The following HSF2BP variants were observed in gnomAD, a reference collection of about 807,000 sequenced individuals.
HSF2BP encodes heat shock factor 2-binding protein.
A neutral mutation model predicts 35.0 loss-of-function variants in HSF2BP; 35 were observed. The observed-to-expected ratio is 1.00, with a 90% CI of 0.76 to 1.32. The LOEUF (loss-of-function observed/expected upper bound fraction) is 1.32, where lower values mean the gene tolerates loss of function less well. Ranked by LOEUF, HSF2BP falls within the 40% of genes most tolerant of loss-of-function variation. HSF2BP has a pLI of 0.00. For synonymous variants in HSF2BP, 114 were observed against 117.4 expected (o/e 0.97, Z 0.18); for missense variants, 326 against 321.7 (o/e 1.01, Z -0.10).
At chr21:43,612,452 C>T (rs916953845) in intron 7 of HSF2BP, among the ~76,000 whole-genome samples, 4 of 152,040 alleles carry the variant, frequency 2.6e-5, no homozygotes, top group African/African-American at 4.8e-5. Flanking sequence ...GAGATTGAGA[C>T]CATCCTGGCT....
chr21:43,598,366 G>A (rs973175924), intron 7 of HSF2BP, among the ~76,000 whole-genome samples: 14 of 144,944 alleles, frequency 9.7e-5, no homozygotes, highest in African/African-American at 3.7e-4. Context: ...CACCACACCC[G>A]GCTAATTTTT....
In HSF2BP at chr21:43,658,087, C is replaced by T. The variant is rs2082904708; in HGVS notation, c.10G>A (p.Ala4Thr). Residue 4 changes from alanine (A) to threonine (T), a missense_variant, in exon 2 of 9, where the codon GCG becomes ACG. Physicochemically the swap from Ala to Thr is moderately conservative, Grantham distance 58. Coordinates refer to ENST00000291560, the MANE Select transcript of HSF2BP (RefSeq NM_007031.2). MGE[A>T]GAAEEACRHM... ...CGGCAGGCCTCCTCAGCGGCGCCCG[C>T]TTCGCCCATGGCCGCTGCCGCCTCC... 1.3e-6 allele frequency: 2 copies of T among 1,535,016 alleles called. No individual in the cohort carries two copies. The highest frequency in any genetic ancestry group is 8.7e-7 in the Non-Finnish European group (1 of 1,145,792).
chr21:43,638,180 C>A lies in HSF2BP; in HGVS notation c.292-4759G>T, dbSNP rs145254589. Among the ~76,000 whole-genome samples, 66 of 152,196 alleles carry A rather than the reference C, an allele frequency of 4.3e-4. 1 individual carries two copies. Among genetic ancestry groups the A allele is most frequent in the African/African-American group, 1.6e-3 (65 of 41,528 alleles). ...AAAGAGTTCAGAAAGACTACAGGGG[C>A]CGGGTGCGGTGGCTCACACCTGTAA... On this transcript the variant is annotated intron_variant, in intron 4 of 8. Coordinates refer to ENST00000291560, the MANE Select transcript of HSF2BP (RefSeq NM_007031.2).
rs983044346 is a variant in HSF2BP, at chr21:43,595,607, G to A, written c.693-3279C>T. Among the ~76,000 whole-genome samples the A allele has an allele frequency of 2.4e-4, 37 of 151,830 alleles. 1 individual carries two copies. Among genetic ancestry groups the A allele is most frequent in the Non-Finnish European group, 5.9e-5 (4 of 67,986 alleles). ...CAGGAGGTCGAGGCTGCAATGAGCT[G>A]TGACAGTGCTACTACACTCCAGCCT... On this transcript the variant is annotated intron_variant, in intron 7 of 8. Coordinates refer to ENST00000291560, the MANE Select transcript of HSF2BP (RefSeq NM_007031.2).
chr21:43,612,776 G>A (rs554317812), intron 7 of HSF2BP, among the ~76,000 whole-genome samples: 92 of 151,986 alleles, frequency 6.1e-4, no homozygotes, highest in Non-Finnish European at 1.1e-3. Context: ...GGCCAGCCTA[G>A]GCAAGGTCTG....
At chr21:43,611,690 C>G (rs1249158028) in intron 7 of HSF2BP, among the ~76,000 whole-genome samples, 1 of 152,190 alleles carries the variant, frequency 6.6e-6, no homozygotes, top group African/African-American at 2.4e-5. Context: ...GGGACATCCC[C>G]CAGGTAACTC....
chr21:43,644,535 C>T (rs985605646), intron 3 of HSF2BP, 143 bp from the exon 4 acceptor site: 3 of 624,968 alleles, frequency 4.8e-6, no homozygotes. Flanking sequence ...TCTAGCCTGT[C>T]CTTGAATAAC....
chr21:43,657,943 C>T, intron 2 of HSF2BP, 118 bp downstream of exon 2: 1 of 1,507,376 alleles, frequency 6.6e-7, no homozygotes, highest in Non-Finnish European at 8.8e-7. Flanking sequence ...AGGAAGTCTC[C>T]AGGCTTCCCC....
intron 6 of HSF2BP, among the ~76,000 whole-genome samples, chr21:43,614,908 A>G (rs1322639963): frequency 6.6e-6 from 1 of 152,222 alleles, no homozygotes; most frequent in East Asian, 1.9e-4. Flanking sequence ...ATGAAAATGG[A>G]TTTTGAAGAA....
chr21:43,620,450 C>A (rs1391813750), intron 6 of HSF2BP, among the ~76,000 whole-genome samples: 2 of 152,214 alleles, frequency 1.3e-5, no homozygotes, highest in Non-Finnish European at 2.9e-5. Flanking sequence ...GTAATCCCAA[C>A]ACTGTGGAAG....
intron 7 of HSF2BP, among the ~76,000 whole-genome samples, chr21:43,606,567 G>C (rs368093872): frequency 1.1e-4 from 17 of 152,322 alleles, no homozygotes; most frequent in African/African-American, 4.1e-4. Context: ...TGATGACAAT[G>C]TGCAGGGTCT....
At chr21:43,608,093 T>C (rs2082156739) in intron 7 of HSF2BP, among the ~76,000 whole-genome samples, 1 of 150,426 alleles carries the variant, frequency 6.6e-6, no homozygotes, top group South Asian at 2.1e-4. Context: ...AAATTGACAA[T>C]TGGGACATAA....
chr21:43,634,404 A>G (rs1306016183), intron 4 of HSF2BP, among the ~76,000 whole-genome samples: 1 of 152,234 alleles, frequency 6.6e-6, no homozygotes, highest in Non-Finnish European at 1.5e-5. Context: ...TGATTTAATA[A>G]GACAAAAACT....
At chr21:43,603,374 A>C (rs1011744023) in intron 7 of HSF2BP, among the ~76,000 whole-genome samples, 1 of 152,204 alleles carries the variant, frequency 6.6e-6, no homozygotes, top group African/African-American at 2.4e-5. Flanking sequence ...AAATGGACTG[A>C]GGTGGTGACG....
intron 6 of HSF2BP, among the ~76,000 whole-genome samples, chr21:43,629,512 C>T (rs1387726701): frequency 6.6e-6 from 1 of 152,166 alleles, no homozygotes; most frequent in Non-Finnish European, 1.5e-5. Flanking sequence ...CTGCAGTGAG[C>T]CGAGATCACG....
chr21:43,589,510 A>AT (rs2081899747), intron 8 of HSF2BP, among the ~76,000 whole-genome samples: 1 of 152,234 alleles, frequency 6.6e-6, no homozygotes, highest in South Asian at 2.1e-4. Flanking sequence ...TGACGAGCTG[A>AT]TTTTTAAATT....
chr21:43,620,978 G>A (rs2082325080), intron 6 of HSF2BP, among the ~76,000 whole-genome samples: 1 of 152,050 alleles, frequency 6.6e-6, no homozygotes, highest in Non-Finnish European at 1.5e-5. Context: ...TGTTCAACAA[G>A]GTGATGAGCA....
Position 43,603,132 on chromosome 21 carries a change from G to A in HSF2BP, c.692+10698C>T, listed in dbSNP as rs73908342. Among the ~76,000 whole-genome samples the A allele has an allele frequency of 1.4e-3, 210 of 152,320 alleles. 1 individual carries two copies. Among genetic ancestry groups the A allele is most frequent in the African/African-American group, 5.0e-3 (207 of 41,570 alleles). On this transcript the variant is annotated intron_variant, in intron 7 of 8. Coordinates refer to ENST00000291560, the MANE Select transcript of HSF2BP (RefSeq NM_007031.2). ...AAGTCTAATAAAAAAAATAATAATT[G>A]CAGTTGCCTAAGTGTTACCAAGTAT...
At chr21:43,580,899 C>T (rs981165172) in intron 8 of HSF2BP, among the ~76,000 whole-genome samples, 1 of 152,228 alleles carries the variant, frequency 6.6e-6, no homozygotes, top group African/African-American at 2.4e-5. Context: ...AGACACATCA[C>T]TGAATATTCA....
Sources: gnomAD v4.1 joint callset for allele counts (sites outside exome capture counted in the v4.1 genomes callset) on GRCh38, gnomAD v4.1.1 for gene constraint, MANE v1.5 for transcripts, NCBI Gene and HGNC (gene_info 2026-07-23, HGNC 2026-07-21) for gene names.